The following SPOCK3 variants were observed in gnomAD, a reference collection of about 807,000 sequenced individuals.
The protein encoded by SPOCK3 is testican-3.
In SPOCK3, 30 loss-of-function variants were observed where a neutral mutation model predicts 56.6. The observed-to-expected ratio is 0.53, with a 90% confidence interval of 0.40 to 0.72. The LOEUF is 0.72. Ranked by LOEUF, SPOCK3 falls within the 30% of genes least tolerant of loss-of-function variation. The pLI is 0.00. For missense variants in SPOCK3, 527 were observed against 530.0 expected (o/e 0.99, Z 0.06); for synonymous variants, 196 against 183.3 (o/e 1.07, Z -0.56).
chr4:167,156,599 G>C (rs1764837446), intron 2 of SPOCK3, among the ~76,000 whole-genome samples: 1 of 152,100 alleles, frequency 6.6e-6, no homozygotes, highest in African/African-American at 2.4e-5. Context: ...TAAAGGATGT[G>C]AAATACAGGA....
intron 4 of SPOCK3, among the ~76,000 whole-genome samples, chr4:166,984,423 A>C (rs993601709): frequency 9.2e-5 from 14 of 152,110 alleles, no homozygotes; most frequent in Non-Finnish European, 1.6e-4. Flanking sequence ...GTAGCTGAAA[A>C]ATTTAATCAG....
intron 2 of SPOCK3, among the ~76,000 whole-genome samples, chr4:167,143,869 A>C (rs968599031): frequency 2.0e-5 from 3 of 151,998 alleles, no homozygotes; most frequent in Admixed American, 6.6e-5. Flanking sequence ...CAACAAAATA[A>C]TAGACATGAA....
chr4:167,055,829 T>G (rs1432712888), intron 3 of SPOCK3, among the ~76,000 whole-genome samples: 1 of 152,124 alleles, frequency 6.6e-6, no homozygotes, highest in Admixed American at 6.5e-5. Context: ...CCACCACAGC[T>G]CAAGGAGGCC....
chr4:167,218,225 A>C (rs1161376339), intron 2 of SPOCK3, among the ~76,000 whole-genome samples: 3 of 152,108 alleles, frequency 2.0e-5, no homozygotes, highest in Non-Finnish European at 1.5e-5. Context: ...TTAGCTAAAA[A>C]ATAATCGTGT....
intron 3 of SPOCK3, among the ~76,000 whole-genome samples, chr4:167,022,075 C>G (rs553836606): frequency 6.6e-5 from 10 of 152,014 alleles, no homozygotes; most frequent in Admixed American, 5.9e-4. Context: ...TAGTTTGGAG[C>G]ACAGTGTGAT....
chr4:166,848,767 A>G (rs1163668682), intron 6 of SPOCK3, among the ~76,000 whole-genome samples: 3 of 152,206 alleles, frequency 2.0e-5, no homozygotes, highest in Non-Finnish European at 4.4e-5. Flanking sequence ...TGAGGAGGGC[A>G]TGTGCATAGT....
chr4:166,876,990 T>C (rs943865166), intron 6 of SPOCK3, among the ~76,000 whole-genome samples: 1 of 152,132 alleles, frequency 6.6e-6, no homozygotes, highest in African/African-American at 2.4e-5. Flanking sequence ...TTTTTCAAAA[T>C]AGTAAATATT....
At chr4:166,966,191 A>C (rs572135913) in intron 4 of SPOCK3, among the ~76,000 whole-genome samples, 1 of 150,874 alleles carries the variant, frequency 6.6e-6, no homozygotes, top group African/African-American at 2.4e-5. Context: ...AGAGCTAATG[A>C]GTACTTCATT....
chr4:167,032,334 G>A (rs1752353303), intron 3 of SPOCK3, among the ~76,000 whole-genome samples: 1 of 151,828 alleles, frequency 6.6e-6, no homozygotes, highest in Admixed American at 6.6e-5. Flanking sequence ...CAAAAATTGA[G>A]GTGGTAATTA....
chr4:166,764,140 C>T (rs1737627719), intron 7 of SPOCK3, among the ~76,000 whole-genome samples: 1 of 152,008 alleles, frequency 6.6e-6, no homozygotes, highest in Non-Finnish European at 1.5e-5. Context: ...AAAGCCATTT[C>T]TTCCACTTCC....
chr4:167,080,784 CCCA>C (rs1054915886), intron 2 of SPOCK3, among the ~76,000 whole-genome samples: 28 of 151,876 alleles, frequency 1.8e-4, no homozygotes, highest in African/African-American at 6.3e-4. Flanking sequence ...AGGAGGCACA[CCCA>C]CCACAAGTCA....
At chr4:166,896,135 T>C (rs1735358470) in intron 5 of SPOCK3, among the ~76,000 whole-genome samples, 1 of 152,094 alleles carries the variant, frequency 6.6e-6, no homozygotes, top group Non-Finnish European at 1.5e-5. Flanking sequence ...GGAAGAAACA[T>C]GAGGATAAAG....
Position 166,973,644 on chromosome 4 carries a change from G to A in SPOCK3, c.350+26705C>T, listed in dbSNP as rs1487236526. Among the ~76,000 whole-genome samples the A allele has an allele frequency of 2.6e-5, 4 of 151,930 alleles. No homozygotes were observed. In the South Asian group the frequency reaches 6.2e-4, roughly 24 times the overall value. ...AAAGAAATATAATTAGTATGCAATGGAAATGAAAAATATTTGTCTGCTATG... is the reference window on the plus strand; with the variant it reads ...AAAGAAATATAATTAGTATGCAATGAAAATGAAAAATATTTGTCTGCTATG... On this transcript the variant is annotated intron_variant, in intron 4 of 10. Coordinates refer to ENST00000357545, the MANE Select transcript of SPOCK3 (RefSeq NM_001040159.2).
At chr4:166,918,865 C>T (rs1738179321) in intron 4 of SPOCK3, among the ~76,000 whole-genome samples, 1 of 152,064 alleles carries the variant, frequency 6.6e-6, no homozygotes, top group African/African-American at 2.4e-5. Flanking sequence ...GTGCCATCCT[C>T]ATGGTAATGA....
At chr4:166,767,719 G>A in intron 7 of SPOCK3, among the ~76,000 whole-genome samples, 1 of 152,174 alleles carries the variant, frequency 6.6e-6, no homozygotes. Flanking sequence ...TTGGTGCAGA[G>A]TTGAGTTCAA....
At chr4:166,931,193 G>T (rs1052602527) in intron 4 of SPOCK3, among the ~76,000 whole-genome samples, 1 of 152,104 alleles carries the variant, frequency 6.6e-6, no homozygotes, top group South Asian at 2.1e-4. Flanking sequence ...TGTTGGCCAG[G>T]CTGGTCTCAA....
At chr4:167,164,498 T>C (rs1201627959) in intron 2 of SPOCK3, among the ~76,000 whole-genome samples, 1 of 152,108 alleles carries the variant, frequency 6.6e-6, no homozygotes, top group African/African-American at 2.4e-5. Context: ...TAGGTATACA[T>C]GTGCCATGGT....
At chr4:166,771,473 T>C (rs748334571) in intron 7 of SPOCK3, among the ~76,000 whole-genome samples, 4 of 152,012 alleles carry the variant, frequency 2.6e-5, no homozygotes, top group Non-Finnish European at 5.9e-5. Context: ...CAAAGCAAGG[T>C]AGTGGTAGAA....
intron 3 of SPOCK3, among the ~76,000 whole-genome samples, chr4:167,046,109 C>T (rs1209901966): frequency 6.6e-6 from 1 of 151,676 alleles, no homozygotes; most frequent in African/African-American, 2.4e-5. Context: ...TTTTTTTTAC[C>T]CCCTTTCAGC....
Sources: allele counts gnomAD v4.1 joint callset (sites outside exome capture counted in the v4.1 genomes callset), GRCh38; gene constraint gnomAD v4.1.1; transcripts MANE v1.5; gene names NCBI Gene and HGNC (gene_info 2026-07-23, HGNC 2026-07-21).